COG5: variants seen among roughly 807,000 people sequenced by gnomAD.
COG5 encodes conserved oligomeric Golgi complex subunit 5.
Under a neutral mutation model 110.4 loss-of-function variants are expected in COG5, and 86 were observed. The observed-to-expected ratio is 0.78, with a 90% confidence interval of 0.65 to 0.93. The LOEUF (loss-of-function observed/expected upper bound fraction) is 0.93. Among genes scored for constraint, COG5 ranks in the 40% least tolerant of loss-of-function variants. The pLI is 0.00. For synonymous variants in COG5, 360 were observed against 334.6 expected, an observed-to-expected ratio of 1.08 and a Z score of -0.83; for missense variants, 1,077 against 987.0, an observed-to-expected ratio of 1.09 and a Z score of -1.22.
intron 6 of COG5, chr7:107,480,748 T>G (rs973093666): frequency 6.6e-6 from 1 of 152,100 alleles, no homozygotes; most frequent in Non-Finnish European, 1.5e-5. Context: ...GAATAAATAT[T>G]AAATATTACA....
At chr7:107,230,520 G>T in intron 19 of COG5, 95 bp downstream of exon 19, 1 of 884,056 alleles carries the variant, frequency 1.1e-6, no homozygotes. Flanking sequence ...GATCAAAAAT[G>T]GTTGAATATT....
intron 12 of COG5, among the ~76,000 whole-genome samples, chr7:107,290,277 A>G (rs1806053267): frequency 6.6e-6 from 1 of 151,866 alleles, no homozygotes; most frequent in South Asian, 2.1e-4. Flanking sequence ...TCCCCTTTAA[A>G]TCTTGAAGTC....
At chr7:107,461,104 T>C (rs923401327) in intron 6 of COG5, among the ~76,000 whole-genome samples, 4 of 152,096 alleles carry the variant, frequency 2.6e-5, no homozygotes, top group African/African-American at 9.7e-5. Flanking sequence ...AGTCCAGCAT[T>C]GTCCTGATTC....
chr7:107,430,863 C>T (rs1793981350), intron 6 of COG5, among the ~76,000 whole-genome samples: 1 of 151,982 alleles, frequency 6.6e-6, no homozygotes, highest in Admixed American at 6.6e-5. Flanking sequence ...AATAAAATCA[C>T]AAGTGATTTT....
At chr7:107,484,572 T>A (rs1434296481) in intron 6 of COG5, among the ~76,000 whole-genome samples, 1 of 152,166 alleles carries the variant, frequency 6.6e-6, no homozygotes, top group Non-Finnish European at 1.5e-5. Context: ...GTCTTCTCAA[T>A]GTTTTCCACA....
intron 10 of COG5, among the ~76,000 whole-genome samples, chr7:107,339,470 G>A (rs758360408): frequency 6.6e-6 from 1 of 151,958 alleles, no homozygotes; most frequent in African/African-American, 2.4e-5. Context: ...GATCATGGAG[G>A]TAGAAAACTA....
At chr7:107,255,174 T>C (rs1485196279) in intron 16 of COG5, among the ~76,000 whole-genome samples, 1 of 152,168 alleles carries the variant, frequency 6.6e-6, no homozygotes, top group Non-Finnish European at 1.5e-5. Context: ...AGAGTATCCA[T>C]TCCCGGTCTG....
At chr7:107,257,498 A>T (rs1802975164) in intron 15 of COG5, among the ~76,000 whole-genome samples, 1 of 152,140 alleles carries the variant, frequency 6.6e-6, no homozygotes. Context: ...CTAAAACACA[A>T]TCTAGTATAT....
chr7:107,217,475 T>TA (rs527473323), intron 19 of COG5, among the ~76,000 whole-genome samples: 105 of 152,204 alleles, frequency 6.9e-4, no homozygotes, highest in African/African-American at 2.5e-3. Flanking sequence ...GATATGAAGA[T>TA]ACAAAATCCT....
intron 6 of COG5, among the ~76,000 whole-genome samples, chr7:107,482,233 T>C (rs947830885): frequency 2.6e-5 from 4 of 151,804 alleles, no homozygotes; most frequent in Admixed American, 6.6e-5. Flanking sequence ...CCTCGAACTC[T>C]TGAGGCTCAA....
intron 12 of COG5, among the ~76,000 whole-genome samples, chr7:107,288,181 A>C (rs1805804653): frequency 6.6e-6 from 1 of 152,092 alleles, no homozygotes; most frequent in African/African-American, 2.4e-5. Context: ...CTGTGCAACA[A>C]AGTTAAACCT....
chr7:107,482,097 T>C (rs1424307302), intron 6 of COG5, among the ~76,000 whole-genome samples: 1 of 151,988 alleles, frequency 6.6e-6, no homozygotes, highest in Non-Finnish European at 1.5e-5. Flanking sequence ...ACTCTCTGAC[T>C]TACTGAGTCA....
intron 14 of COG5, among the ~76,000 whole-genome samples, chr7:107,277,829 C>T (rs572224221): frequency 6.6e-6 from 1 of 152,204 alleles, no homozygotes; most frequent in Admixed American, 6.5e-5. Context: ...TTGTATAACA[C>T]ATACCTTTGG....
intron 10 of COG5, among the ~76,000 whole-genome samples, chr7:107,347,138 C>T (rs1811688134): frequency 6.6e-6 from 1 of 152,114 alleles, no homozygotes; most frequent in Non-Finnish European, 1.5e-5. Flanking sequence ...TTGATTCACT[C>T]AAACAACTAA....
chr7:107,380,102 C>G (rs929316580), intron 7 of COG5, among the ~76,000 whole-genome samples: 3 of 152,140 alleles, frequency 2.0e-5, no homozygotes, highest in African/African-American at 7.2e-5. Context: ...CAAATTAGAA[C>G]TCAGGATTGA....
In COG5 at chr7:107,563,483, G is replaced by A. The variant is rs923707960; in HGVS notation, c.94+320C>T. 9.3e-6 allele frequency: 4 copies of A among 432,320 alleles called. No individual in the cohort carries two copies. The Admixed American group carries it at 1.1e-4, about 11-fold the overall frequency. 26.8% of individuals were successfully genotyped at this position (432,320 alleles called of 1,614,324 possible). On this transcript the variant is annotated intron_variant, in intron 1 of 21. Transcript: ENST00000297135. ...TTCGTCAAGAACTGCGGCAGCAGCC[G>A]GTGGCTGCCAACGCGGTCCACAGGG...
chr7:107,208,844 C>T lies in COG5; in HGVS notation c.2375+1682G>A, dbSNP rs978902394. 3 of 985,354 alleles carry T rather than the reference C, an allele frequency of 3.0e-6. No individual in the cohort carries two copies. The African/African-American group carries it at 5.2e-5, about 17-fold the overall frequency. 61.0% of individuals were successfully genotyped at this position (985,354 alleles called of 1,614,324 possible). On this transcript the variant is annotated intron_variant, in intron 21 of 21. Transcript: ENST00000297135. ...CACTTCTGGAAACAAAGCTGACAGGCTGATGGTTCTTACTGACCTGTCATA... is the reference window on the plus strand; with the variant it reads ...CACTTCTGGAAACAAAGCTGACAGGTTGATGGTTCTTACTGACCTGTCATA...
chr7:107,463,248 A>G (rs576247680), intron 6 of COG5, among the ~76,000 whole-genome samples: 2 of 152,264 alleles, frequency 1.3e-5, no homozygotes, highest in Non-Finnish European at 2.9e-5. Context: ...AGGCCAGGTC[A>G]GCTGCATCCC....
At chr7:107,290,553 G>A (rs918236503) in intron 12 of COG5, among the ~76,000 whole-genome samples, 14 of 152,026 alleles carry the variant, frequency 9.2e-5, no homozygotes, top group African/African-American at 3.4e-4. Flanking sequence ...AATTATCTGG[G>A]GTCACTCGCT....
Sources: gnomAD v4.1 joint callset for allele counts (sites outside exome capture counted in the v4.1 genomes callset) on GRCh38, gnomAD v4.1.1 for gene constraint, MANE v1.5 for transcripts, NCBI Gene and HGNC (gene_info 2026-07-23, HGNC 2026-07-21) for gene names.